Variants in NFILZ observed in about 807,000 individuals in gnomAD.
NFILZ encodes NFIL3 like basic leucine zipper, also known as NFIL3 like protein.
intron 3 of NFILZ, among the ~76,000 whole-genome samples, chr19:8,656,409 C>T (rs1377906851): frequency 7.9e-6 from 1 of 126,918 alleles, no homozygotes; most frequent in Non-Finnish European, 1.7e-5. Context: ...CACCTTCTCT[C>T]TGAAACCCAC....
intron 1 of NFILZ, among the ~76,000 whole-genome samples, chr19:8,631,475 G>A (rs888053863): frequency 3.3e-5 from 5 of 152,098 alleles, no homozygotes; most frequent in African/African-American, 1.2e-4. Flanking sequence ...TTGATCTCTG[G>A]GGGGTCTGGA....
chr19:8,660,612 T>C (rs1600149981), intron 3 of NFILZ, among the ~76,000 whole-genome samples: 1 of 115,274 alleles, frequency 8.7e-6, no homozygotes, highest in East Asian at 3.4e-4. Flanking sequence ...TCCTTCCTTC[T>C]CTCCTTCCCT....
chr19:8,655,097 A>G (rs1235091446), intron 3 of NFILZ, among the ~76,000 whole-genome samples: 1 of 152,082 alleles, frequency 6.6e-6, no homozygotes, highest in Non-Finnish European at 1.5e-5. Flanking sequence ...ATACCACTTA[A>G]TTGCTCCATG....
chr19:8,648,066 T>A (rs1210509809), intron 3 of NFILZ, among the ~76,000 whole-genome samples: 1 of 146,482 alleles, frequency 6.8e-6, no homozygotes, highest in Non-Finnish European at 1.5e-5. Context: ...CCCAGCTACT[T>A]GGGAGGCTGA....
chr19:8,635,324 TA>T (rs201180999), intron 2 of NFILZ, among the ~76,000 whole-genome samples: 120,773 of 136,670 alleles, frequency 0.88, 53,601 homozygotes, highest in Middle Eastern at 0.94. Context: ...AAAAAAAAAT[TA>T]AAAAAAAAAA....
chr19:8,665,620 C>G (rs953316380), intron 3 of NFILZ, among the ~76,000 whole-genome samples: 5 of 152,174 alleles, frequency 3.3e-5, no homozygotes, highest in Admixed American at 3.3e-4. Context: ...GAATTACAGG[C>G]ATGAGCCTTC....
chr19:8,664,884 A>G (rs2043054844), intron 3 of NFILZ, among the ~76,000 whole-genome samples: 1 of 151,604 alleles, frequency 6.6e-6, no homozygotes. Flanking sequence ...CTGCTTGCAC[A>G]CCCCCTGTGA....
intron 3 of NFILZ, among the ~76,000 whole-genome samples, chr19:8,651,829 G>A (rs1333741998): frequency 2.0e-5 from 3 of 152,036 alleles, no homozygotes; most frequent in Non-Finnish European, 2.9e-5. Context: ...CACTGTGCCC[G>A]GCCTCTAACT....
chr19:8,642,548 G>T (rs577317025), intron 3 of NFILZ, among the ~76,000 whole-genome samples: 26 of 152,196 alleles, frequency 1.7e-4, no homozygotes, highest in African/African-American at 6.0e-4. Flanking sequence ...ACAGTTAGCT[G>T]GTGGGTTGGC....
intron 2 of NFILZ, among the ~76,000 whole-genome samples, chr19:8,634,472 T>A (rs1240909269): frequency 6.6e-6 from 1 of 152,220 alleles, no homozygotes; most frequent in African/African-American, 2.4e-5. Context: ...TTTGTAGAGA[T>A]GGGATCTCTC....
At chr19:8,655,405 G>A (rs144750138) in intron 3 of NFILZ, among the ~76,000 whole-genome samples, 143 of 152,296 alleles carry the variant, frequency 9.4e-4, no homozygotes, top group African/African-American at 3.2e-3. Context: ...TGGTGGGGCT[G>A]TTTACTCTCC....
chr19:8,630,826 A>G (rs1555745446), intron 1 of NFILZ, 82 bp downstream of exon 1: 1 of 152,158 alleles, frequency 6.6e-6, no homozygotes, highest in Non-Finnish European at 1.5e-5. Flanking sequence ...GGGCATGCAG[A>G]CCTGGGTTAG....
intron 4 of NFILZ, among the ~76,000 whole-genome samples, chr19:8,675,074 T>G (rs535253097): frequency 6.6e-6 from 1 of 152,168 alleles, no homozygotes; most frequent in Non-Finnish European, 1.5e-5. Context: ...ATTCAACAAG[T>G]GTTTATTTAC....
At chr19:8,665,266 T>A (rs2043056775) in intron 3 of NFILZ, among the ~76,000 whole-genome samples, 1 of 152,048 alleles carries the variant, frequency 6.6e-6, no homozygotes, top group South Asian at 2.1e-4. Context: ...ATGATTTGGC[T>A]TAGGGAAGAG....
intron 3 of NFILZ, among the ~76,000 whole-genome samples, chr19:8,673,407 G>T (rs183647162): frequency 1.1e-3 from 161 of 152,318 alleles, no homozygotes; most frequent in African/African-American, 3.8e-3. Context: ...CAAACCCAGG[G>T]CGTCCCGTCT....
chr19:8,656,458 CTCTCTGAAGCCCA>C (rs2043001497), intron 3 of NFILZ, among the ~76,000 whole-genome samples: 1 of 81,634 alleles, frequency 1.2e-5, no homozygotes, highest in South Asian at 3.9e-4. Context: ...AGCCCACCTT[CTCTCTGAAGCCCA>C]CCTTCTCCCG....
intron 3 of NFILZ, among the ~76,000 whole-genome samples, chr19:8,666,884 A>G (rs1451082113): frequency 6.7e-6 from 1 of 148,598 alleles, no homozygotes; most frequent in Non-Finnish European, 1.5e-5. Context: ...AGAGGTGCAC[A>G]CCACCATGCC....
chr19:8,670,887 C>T (rs2043083459), intron 3 of NFILZ, among the ~76,000 whole-genome samples: 3 of 150,404 alleles, frequency 2.0e-5, no homozygotes, highest in Admixed American at 6.7e-5. Flanking sequence ...CCCAGCTACT[C>T]GGGAGGCTGA....
At chr19:8,634,552 T>G (rs1320384284) in intron 2 of NFILZ, among the ~76,000 whole-genome samples, 3 of 152,184 alleles carry the variant, frequency 2.0e-5, no homozygotes, top group Non-Finnish European at 4.4e-5. Context: ...TATTGTAATG[T>G]TTTTTCCTTT....
Sources: gnomAD v4.1 joint callset for allele counts (sites outside exome capture counted in the v4.1 genomes callset) on GRCh38, gnomAD v4.1.1 for gene constraint, MANE v1.5 for transcripts, NCBI Gene and HGNC (gene_info 2026-07-23, HGNC 2026-07-21) for gene names.